PCBD2: variants seen among roughly 807,000 people sequenced by gnomAD.
PCBD2 encodes pterin-4 alpha-carbinolamine dehydratase 2, also known as pterin-4-alpha-carbinolamine dehydratase 2.
In PCBD2, 12 loss-of-function variants were observed where a neutral mutation model predicts 16.4. That is an observed-to-expected ratio of 0.73 (90% confidence interval 0.47 to 1.19). The LOEUF (loss-of-function observed/expected upper bound fraction) is 1.19, where lower values mean the gene tolerates loss of function less well. Among genes scored for constraint, PCBD2 ranks in the 50% most tolerant of loss-of-function variants. The probability of loss-of-function intolerance (pLI) is 0.00; values close to 1 mark genes in which losing one functional copy is unlikely to be tolerated. For synonymous variants in PCBD2, 58 were observed against 61.8 expected (o/e 0.94, Z 0.29); for missense variants, 138 against 156.8 (o/e 0.88, Z 0.64).
chr5:134,907,087 A>G (rs781428593), intron 1 of PCBD2, among the ~76,000 whole-genome samples: 1 of 152,220 alleles, frequency 6.6e-6, no homozygotes, highest in Non-Finnish European at 1.5e-5. Flanking sequence ...ACTCAGAGAA[A>G]ACAGCTCAGT....
intron 2 of PCBD2, among the ~76,000 whole-genome samples, chr5:134,936,860 C>T (rs1751166328): frequency 6.6e-6 from 1 of 152,178 alleles, no homozygotes; most frequent in Non-Finnish European, 1.5e-5. Flanking sequence ...CATTATTTCT[C>T]TCTTCAACTC....
intron 1 of PCBD2, among the ~76,000 whole-genome samples, chr5:134,906,194 ATT>A (rs1158334317): frequency 1.5e-3 from 103 of 66,512 alleles, no homozygotes; most frequent in African/African-American, 5.9e-3. Context: ...TAATAGAAGA[ATT>A]TTTTTTTTTT....
chr5:134,945,827 A>G (rs1751289453), intron 2 of PCBD2, among the ~76,000 whole-genome samples: 1 of 152,160 alleles, frequency 6.6e-6, no homozygotes, highest in Non-Finnish European at 1.5e-5. Flanking sequence ...CACACCCAGT[A>G]GTGATGTTAA....
At chr5:134,939,851 A>G (rs780003232) in intron 2 of PCBD2, among the ~76,000 whole-genome samples, 2 of 152,076 alleles carry the variant, frequency 1.3e-5, no homozygotes, top group Non-Finnish European at 2.9e-5. Context: ...TTCTTTCCCA[A>G]CCACCATGAA....
At chr5:134,923,159 C>T (rs1173092805) in intron 2 of PCBD2, 1 of 152,362 alleles carries the variant, frequency 6.6e-6, no homozygotes, top group East Asian at 1.9e-4. Context: ...GGTCTCACAG[C>T]TAGTAAGTGT....
At chr5:134,953,038 T>G (rs1418393264) in intron 2 of PCBD2, among the ~76,000 whole-genome samples, 1 of 152,042 alleles carries the variant, frequency 6.6e-6, no homozygotes, top group Non-Finnish European at 1.5e-5. Context: ...AACAAGTTTT[T>G]TTTTTTGCAT....
rs1269684417 is a variant in PCBD2, at chr5:134,927,104, G to A, written c.216+16638G>A. The stretch of plus-strand genomic sequence containing the variant: ...CGTGGGCGACTATGAGAATGACTGC[G>A]CCGGTGAAGCTTCAGGGGGTTTGGA... On this transcript the variant is annotated intron_variant, in intron 2 of 3. Coordinates refer to ENST00000254908, the MANE Select transcript of PCBD2 (RefSeq NM_032151.5). 4.3e-5 allele frequency: 17 copies of A among 398,436 alleles called. No homozygotes were observed. In the East Asian group the frequency reaches 4.3e-4, roughly 10 times the overall value. The allele number at this position is 398,436 out of a possible 1,614,324, so 24.7% of individuals were successfully genotyped here.
rs58911694 is a variant in PCBD2 at position 134,962,072 on chromosome 5, T to TTGTGTGTGTG, written c.*1417_*1426dup. Among the ~76,000 whole-genome samples, 301 of 140,582 alleles carry TTGTGTGTGTG rather than the reference T, an allele frequency of 2.1e-3. 1 individual carries two copies. Among genetic ancestry groups the TTGTGTGTGTG allele is most frequent in the Middle Eastern group, 7.4e-3 (2 of 270 alleles). 92.2% of individuals were successfully genotyped at this position (140,582 alleles called of 152,430 possible). On this transcript the variant is annotated 3_prime_UTR_variant, in exon 4 of 4. Transcript: ENST00000254908. ...CATTGCCCCCAGCCAGTATAACAGTTTGTGTGTGTGTGTGTGTGTGTGTGT... is the reference window on the plus strand; with the variant it reads ...CATTGCCCCCAGCCAGTATAACAGTTTGTGTGTGTGTGTGTGTGTGTGTGTGTGTGTGTGT...
chr5:134,956,742 T>C (rs1226345252), intron 2 of PCBD2, among the ~76,000 whole-genome samples: 1 of 152,222 alleles, frequency 6.6e-6, no homozygotes, highest in Admixed American at 6.5e-5. Flanking sequence ...AGACAGCAAC[T>C]AGAATCTTAG....
At chr5:134,912,356 C>T (rs916493199) in intron 2 of PCBD2, among the ~76,000 whole-genome samples, 4 of 152,238 alleles carry the variant, frequency 2.6e-5, no homozygotes, top group Non-Finnish European at 5.9e-5. Context: ...TGCCCTCCAG[C>T]GAAACACAAC....
At chr5:134,947,095 AT>A (rs1202130698) in intron 2 of PCBD2, among the ~76,000 whole-genome samples, 172 of 146,682 alleles carry the variant, frequency 1.2e-3, no homozygotes, top group Non-Finnish European at 1.2e-3. Context: ...AAAAAAAAAA[AT>A]TTTTTTTTTT....
chr5:134,922,624 G>A (rs943966063), intron 2 of PCBD2, among the ~76,000 whole-genome samples: 1 of 151,168 alleles, frequency 6.6e-6, no homozygotes, highest in African/African-American at 2.4e-5. Flanking sequence ...AAAAGTTAAT[G>A]TATCATTACA....
At chr5:134,930,619 T>C (rs1751081656) in intron 2 of PCBD2, among the ~76,000 whole-genome samples, 1 of 152,178 alleles carries the variant, frequency 6.6e-6, no homozygotes. Flanking sequence ...AAATGGCTGC[T>C]CATGGTGTCT....
At chr5:134,914,010 C>T (rs1184718907) in intron 2 of PCBD2, among the ~76,000 whole-genome samples, 1 of 151,982 alleles carries the variant, frequency 6.6e-6, no homozygotes, top group Non-Finnish European at 1.5e-5. Context: ...ATTAGTCATC[C>T]AAATGGAGTT....
At chr5:134,915,027 C>T (rs1750811525) in intron 2 of PCBD2, among the ~76,000 whole-genome samples, 1 of 152,116 alleles carries the variant, frequency 6.6e-6, no homozygotes, top group South Asian at 2.1e-4. Context: ...TTAAAACTCA[C>T]ATACCAGAGC....
chr5:134,959,821 A>G (rs1209592967), intron 3 of PCBD2, among the ~76,000 whole-genome samples: 1 of 151,562 alleles, frequency 6.6e-6, no homozygotes, highest in Non-Finnish European at 1.5e-5. Context: ...TTTACTTTAT[A>G]ATCAGTTCAT....
At chr5:134,914,273 C>G (rs1750801471) in intron 2 of PCBD2, among the ~76,000 whole-genome samples, 1 of 151,924 alleles carries the variant, frequency 6.6e-6, no homozygotes. Context: ...CAATTGAGAG[C>G]AAGTAGGGGT....
At chr5:134,912,828 T>C (rs1430252852) in intron 2 of PCBD2, among the ~76,000 whole-genome samples, 1 of 152,182 alleles carries the variant, frequency 6.6e-6, no homozygotes, top group Non-Finnish European at 1.5e-5. Context: ...TGTCAGGAGT[T>C]GGTTTTCTCT....
chr5:134,923,914 T>A (rs1326491159), intron 2 of PCBD2: 3 of 394,110 alleles, frequency 7.6e-6, no homozygotes, highest in African/African-American at 6.2e-5. Context: ...AGTCCTGTGG[T>A]GATTTGGAGG....
Sources: gnomAD v4.1 joint callset for allele counts (sites outside exome capture counted in the v4.1 genomes callset) on GRCh38, gnomAD v4.1.1 for gene constraint, MANE v1.5 for transcripts, NCBI Gene and HGNC (gene_info 2026-07-23, HGNC 2026-07-21) for gene names.